The following OR2T2 variants were observed in gnomAD, a reference collection of about 807,000 sequenced individuals.
The protein encoded by OR2T2 is olfactory receptor 2T2.
For synonymous variants in OR2T2, 50 were observed against 162.7 expected (o/e 0.31, Z 5.27); for missense variants, 138 against 409.1 (o/e 0.34, Z 5.72).
chr1:248,447,511 T>C (rs1662692691), intron 2 of OR2T2, among the ~76,000 whole-genome samples: 1 of 145,816 alleles, frequency 6.9e-6, no homozygotes, highest in Admixed American at 6.9e-5. Context: ...GCTCTTCAGC[T>C]GTAGTTAGAC....
exon 3 of OR2T2, chr1:248,453,722 TGTG>T (rs749710148): frequency 6.3e-7 from 1 of 1,596,388 alleles, no homozygotes; most frequent in Admixed American, 1.7e-5. Context: ...ACTAGGGAGA[TGTG>T]GTTCCTCCCA....
intron 2 of OR2T2, among the ~76,000 whole-genome samples, chr1:248,450,467 G>A (rs1047829669): frequency 1.4e-5 from 2 of 147,606 alleles, no homozygotes; most frequent in African/African-American, 5.3e-5. Flanking sequence ...ATAAGATCTA[G>A]GAGTTGAAAA....
chr1:248,448,023 A>G (rs1572908255), intron 2 of OR2T2, among the ~76,000 whole-genome samples: 1 of 152,414 alleles, frequency 6.6e-6, no homozygotes, highest in East Asian at 1.9e-4. Flanking sequence ...TGAGTCATTC[A>G]GTAGCTGTCT....
At chr1:248,446,706 C>CT (rs1191941973) in exon 2 of OR2T2, 1 of 148,146 alleles carries the variant, frequency 6.8e-6, no homozygotes, top group Non-Finnish European at 1.5e-5. Context: ...CACAGCCCTC[C>CT]TGCTGGCAGC....
At chr1:248,448,314 AG>A (rs1349732993) in intron 2 of OR2T2, among the ~76,000 whole-genome samples, 3 of 143,926 alleles carry the variant, frequency 2.1e-5, no homozygotes, top group Non-Finnish European at 3.0e-5. Flanking sequence ...AAACTGAAAA[AG>A]TTATAGCCAC....
chr1:248,449,777 C>A (rs1300841957), intron 2 of OR2T2, among the ~76,000 whole-genome samples: 1 of 123,910 alleles, frequency 8.1e-6, no homozygotes, highest in Non-Finnish European at 1.6e-5. Context: ...CTTGAAGAGC[C>A]TGAAGCTTTG....
rs1351073104 is a variant in OR2T2 at position 248,446,756 on chromosome 1, C to CA, written c.-77dup. 6.8e-6 allele frequency: 1 copy of CA among 147,354 alleles called. No individual in the cohort carries two copies. Among genetic ancestry groups the CA allele is most frequent in the Non-Finnish European group, 1.5e-5 (1 of 67,698 alleles). 9.1% of individuals were successfully genotyped at this position (147,354 alleles called of 1,614,324 possible). ...TTTTACTCTCAATGCTCCAGGAAAC[C>CA]AGATGTACTTCTTTCTTTCTTGTCC... On this transcript the variant is annotated 5_prime_UTR_variant, in exon 2 of 3. The change abolishes the stop of an existing upstream ORF in the 5' untranslated region. Coordinates refer to ENST00000642130, the Ensembl canonical transcript of OR2T2.
rs1662638060 is a variant in OR2T2 at position 248,446,020 on chromosome 1, G to C, written c.-246+351G>C. On this transcript the variant is annotated intron_variant, in intron 1 of 2. Coordinates refer to ENST00000642130, the Ensembl canonical transcript of OR2T2. ...AAAGTTTCAGAATTAATTGGTAGCA[G>C]GGGTGCATACTATTGGATAAGCATA... Among the ~76,000 whole-genome samples the C allele has an allele frequency of 1.4e-5, 2 of 145,194 alleles. 1 individual carries two copies. The highest frequency in any genetic ancestry group is 3.0e-5 in the Non-Finnish European group (2 of 67,456).
chr1:248,454,198 C>T (rs1237016157), exon 3 of OR2T2: 28 of 143,802 alleles, frequency 1.9e-4, no homozygotes, highest in Non-Finnish European at 2.9e-4. Flanking sequence ...GTATTGCTAA[C>T]GTGTGATCAT....
intron 2 of OR2T2, among the ~76,000 whole-genome samples, chr1:248,450,329 C>T (rs1662765913): frequency 7.1e-6 from 1 of 140,472 alleles, no homozygotes; most frequent in Non-Finnish European, 1.5e-5. Flanking sequence ...ACACAACGCT[C>T]ACACTCACAA....
intron 2 of OR2T2, among the ~76,000 whole-genome samples, 166 bp downstream of exon 3, chr1:248,449,558 ACTCATCC>A (rs1219061966): frequency 6.9e-6 from 1 of 145,304 alleles, no homozygotes; most frequent in Non-Finnish European, 1.5e-5. Context: ...TGGCGAGCTC[ACTCATCC>A]CTCATCCATC....
intron 2 of OR2T2, among the ~76,000 whole-genome samples, chr1:248,448,009 C>A (rs1308138928): frequency 6.6e-6 from 1 of 152,290 alleles, no homozygotes; most frequent in African/African-American, 2.4e-5. Context: ...TCTATGCTAC[C>A]CCCTGAGTCA....
intron 2 of OR2T2, among the ~76,000 whole-genome samples, chr1:248,452,518 G>T (rs1051323765): frequency 3.3e-5 from 4 of 121,772 alleles, no homozygotes; most frequent in Non-Finnish European, 4.8e-5. Context: ...ACCAGGTACT[G>T]TATGAATTAC....
chr1:248,447,522 T>G (rs1422985802), intron 2 of OR2T2, among the ~76,000 whole-genome samples: 1 of 146,448 alleles, frequency 6.8e-6, no homozygotes, highest in East Asian at 2.0e-4. Flanking sequence ...GTAGTTAGAC[T>G]GGACTCTCCC....
chr1:248,446,677 T>C (rs1368380772), exon 2 of OR2T2: 1 of 148,246 alleles, frequency 6.7e-6, no homozygotes, highest in Admixed American at 6.6e-5. Context: ...CCCAGAAGCA[T>C]TCCCCTGCAC....
At chr1:248,446,006 A>C (rs60677083) in intron 1 of OR2T2, among the ~76,000 whole-genome samples, 11,592 of 128,682 alleles carry the variant, frequency 0.09, 1,229 homozygotes, top group African/African-American at 0.27. Flanking sequence ...AAGTTTCAGA[A>C]TTAATTGGTA....
intron 1 of OR2T2, 149 bp from the exon 2 acceptor site, chr1:248,446,440 G>C (rs1349261017): frequency 1.4e-5 from 2 of 144,408 alleles, no homozygotes; most frequent in South Asian, 2.1e-4. Flanking sequence ...CACCACTGCT[G>C]TTCCTGTGTA....
chr1:248,447,976 C>T (rs1173334574), intron 2 of OR2T2, among the ~76,000 whole-genome samples: 3 of 152,284 alleles, frequency 2.0e-5, no homozygotes, highest in Admixed American at 2.0e-4. Context: ...AATATCATCC[C>T]TCTGTGTAGT....
At chr1:248,450,256 A>T (rs1408898527) in intron 2 of OR2T2, among the ~76,000 whole-genome samples, 4 of 145,902 alleles carry the variant, frequency 2.7e-5, no homozygotes, top group Non-Finnish European at 5.9e-5. Context: ...CCACTCACAG[A>T]TGCACACACC....
Sources: gnomAD v4.1 joint callset for allele counts (sites outside exome capture counted in the v4.1 genomes callset) on GRCh38, gnomAD v4.1.1 for gene constraint, MANE v1.5 for transcripts, NCBI Gene and HGNC (gene_info 2026-07-23, HGNC 2026-07-21) for gene names.